The following EHF variants were observed in gnomAD, a reference collection of about 807,000 sequenced individuals.
EHF encodes ETS homologous factor.
In EHF, 14 loss-of-function variants were observed where a neutral mutation model predicts 45.1. The observed-to-expected ratio is 0.31, with a 90% CI of 0.21 to 0.49. EHF has a LOEUF of 0.49. Among genes scored for constraint, EHF ranks in the 20% least tolerant of loss-of-function variants. EHF has a pLI of 0.99. For missense variants in EHF, 282 were observed against 371.4 expected, an observed-to-expected ratio of 0.76 and a Z score of 1.98; for synonymous variants, 136 against 131.8, an observed-to-expected ratio of 1.03 and a Z score of -0.22.
At chr11:34,644,747 AC>A (rs1192038226) in intron 2 of EHF, among the ~76,000 whole-genome samples, 1 of 152,124 alleles carries the variant, frequency 6.6e-6, no homozygotes, top group Non-Finnish European at 1.5e-5. Flanking sequence ...TGGGAGTTAA[AC>A]CTTTCTGAGG....
At chr11:34,654,532 T>C (rs535270816) in intron 6 of EHF, among the ~76,000 whole-genome samples, 4 of 152,282 alleles carry the variant, frequency 2.6e-5, no homozygotes, top group African/African-American at 9.6e-5. Flanking sequence ...TTTATGATGA[T>C]GGAAAGATTT....
At chr11:34,644,102 A>G (rs527903577) in intron 2 of EHF, among the ~76,000 whole-genome samples, 10 of 152,266 alleles carry the variant, frequency 6.6e-5, no homozygotes, top group African/African-American at 2.4e-4. Context: ...TCAGACAAAA[A>G]TCCCTGATTC....
At chr11:34,641,054 G>T (rs554716773) in intron 1 of EHF, among the ~76,000 whole-genome samples, 1 of 152,150 alleles carries the variant, frequency 6.6e-6, no homozygotes, top group African/African-American at 2.4e-5. Flanking sequence ...GCTTGGAATC[G>T]ACCCCAGCTC....
intron 1 of EHF, chr11:34,632,409 C>T (rs1479851619): frequency 1.4e-6 from 2 of 1,383,670 alleles, no homozygotes; most frequent in Non-Finnish European, 1.9e-6. Context: ...TGCTCCTGAC[C>T]CTCCTACACA....
intron 1 of EHF, chr11:34,631,449 G>T: frequency 2.5e-6 from 1 of 404,166 alleles, no homozygotes; most frequent in Non-Finnish European, 3.3e-6. Context: ...AGCTCCTTGT[G>T]GCCCTTTTTG....
intron 1 of EHF, among the ~76,000 whole-genome samples, chr11:34,635,837 G>A (rs12225612): frequency 0.085 from 12,974 of 151,938 alleles, 1,450 homozygotes; most frequent in East Asian, 0.61. Context: ...GTGAGAGGAA[G>A]AGGGACAGGA....
chr11:34,634,557 T>C (rs1347343960), intron 1 of EHF, among the ~76,000 whole-genome samples: 1 of 152,186 alleles, frequency 6.6e-6, no homozygotes. Flanking sequence ...ATCTGCTCCG[T>C]GGCCCTGGTG....
intron 1 of EHF, among the ~76,000 whole-genome samples, chr11:34,639,847 G>A (rs1251432502): frequency 6.6e-6 from 1 of 152,176 alleles, no homozygotes; most frequent in Non-Finnish European, 1.5e-5. Flanking sequence ...GGAGGATGGT[G>A]ATGGGGCAGC....
chr11:34,646,847 G>A (rs1854599080), intron 3 of EHF, 163 bp downstream of exon 3: 2 of 910,922 alleles, frequency 2.2e-6, no homozygotes, highest in African/African-American at 1.7e-5. Flanking sequence ...TGAAAGGACA[G>A]GATTGAAGCA....
At chr11:34,647,013 C>A in intron 3 of EHF, 7 of 319,708 alleles carry the variant, frequency 2.2e-5, no homozygotes, top group Admixed American at 4.6e-5. Context: ...ACAGTCCAGT[C>A]ACTTGCTTGT....
At chr11:34,621,339 G>C (rs1450984554) in intron 1 of EHF, 111 bp downstream of exon 1, 6 of 152,254 alleles carry the variant, frequency 3.9e-5, no homozygotes, top group Non-Finnish European at 7.3e-5. Flanking sequence ...TCTTGGAGAC[G>C]GCTGGCAGGA....
At chr11:34,640,203 A>G (rs1001142463) in intron 1 of EHF, among the ~76,000 whole-genome samples, 1 of 152,102 alleles carries the variant, frequency 6.6e-6, no homozygotes, top group African/African-American at 2.4e-5. Flanking sequence ...GGGAACTGGA[A>G]TCTGAGCCTG....
chr11:34,644,378 G>T (rs3751074), intron 2 of EHF, among the ~76,000 whole-genome samples: 20,989 of 152,230 alleles, frequency 0.14, 1,723 homozygotes, highest in East Asian at 0.28. Flanking sequence ...GAAAGATCCA[G>T]CCCAAGGTCT....
chr11:34,631,602 AG>A, intron 1 of EHF: 1 of 982,790 alleles, frequency 1.0e-6, no homozygotes, highest in Non-Finnish European at 1.2e-6. Context: ...GCAGGAGATG[AG>A]TGGGTCTACA....
chr11:34,653,033 T>A (rs1300350662), intron 6 of EHF, among the ~76,000 whole-genome samples: 2 of 152,314 alleles, frequency 1.3e-5, no homozygotes, highest in African/African-American at 4.8e-5. Flanking sequence ...GGGTAAAATT[T>A]CTGTGGCAAT....
intron 1 of EHF, among the ~76,000 whole-genome samples, chr11:34,626,997 GA>G (rs1852427755): frequency 4.6e-5 from 7 of 152,194 alleles, no homozygotes; most frequent in Admixed American, 4.6e-4. Context: ...AAAAGCTTGT[GA>G]GTAAATAATT....
chr11:34,651,564 G>C lies in EHF; in HGVS notation c.429G>C (p.Trp143Cys). The C allele has an allele frequency of 6.2e-7, 1 of 1,613,888 alleles. No homozygotes were observed. The highest frequency in any genetic ancestry group is 1.1e-5 in the South Asian group (1 of 91,074). ...EQTEPSIMNTWKDENYLYDTN... is the reference protein window; with the variant it reads ...EQTEPSIMNTCKDENYLYDTN... Reference sequence around the variant, plus strand: ...TAGAGCCTTCCATCATGAACACCTGGAAAGACGAGAACTATTTATATGACA... The same window carrying C: ...TAGAGCCTTCCATCATGAACACCTGCAAAGACGAGAACTATTTATATGACA... Residue 143 changes from tryptophan (W) to cysteine (C), a missense_variant, in exon 5 of 9, where the codon TGG becomes TGC. By Grantham distance (215) the Trp-to-Cys change is radical. Around this residue, in one of 3 missense-constraint regions of EHF, gnomAD observed 213 missense variants for 247.3 expected, o/e 0.86. Transcript: ENST00000257831.
At chr11:34,625,836 C>T (rs975993811) in intron 1 of EHF, among the ~76,000 whole-genome samples, 2 of 152,126 alleles carry the variant, frequency 1.3e-5, no homozygotes, top group Admixed American at 6.5e-5. Context: ...ACCACACACC[C>T]TGGCCTCTGG....
intron 1 of EHF, among the ~76,000 whole-genome samples, chr11:34,625,648 A>G (rs185837245): frequency 1.8e-4 from 27 of 152,344 alleles, no homozygotes; most frequent in African/African-American, 5.8e-4. Context: ...AGGGTGGCCC[A>G]TTTAAAGAGG....
Sources: allele counts gnomAD v4.1 joint callset (sites outside exome capture counted in the v4.1 genomes callset), GRCh38; gene constraint gnomAD v4.1.1; regional missense constraint gnomAD v4.1.1; transcripts MANE v1.5; gene names NCBI Gene and HGNC (gene_info 2026-07-23, HGNC 2026-07-21).